Variants in SMYD3 observed in about 807,000 individuals in gnomAD.
SMYD3 encodes the protein SET and MYND domain containing 3.
SMYD3 carries 36 observed loss-of-function variants against 57.7 expected under a neutral mutation model. The ratio of observed to expected loss-of-function variants is 0.62; its 90% confidence interval spans 0.48 to 0.82. The LOEUF (loss-of-function observed/expected upper bound fraction) is 0.82, where lower values mean the gene tolerates loss of function less well. Among genes scored for constraint, SMYD3 ranks in the 40% least tolerant of loss-of-function variants. SMYD3 has a pLI of 0.00. For missense variants in SMYD3, 515 were observed against 538.8 expected, an observed-to-expected ratio of 0.96 and a Z score of 0.44; for synonymous variants, 211 against 195.0, an observed-to-expected ratio of 1.08 and a Z score of -0.68.
intron 5 of SMYD3, among the ~76,000 whole-genome samples, chr1:246,255,933 GATAGATA>G (rs1558353889): frequency 0.024 from 2,829 of 117,984 alleles, 56 homozygotes; most frequent in Middle Eastern, 0.041. Flanking sequence ...TAATAAGATA[GATAGATA>G]GATAGATAGA....
In SMYD3 at chr1:245,808,304, G is replaced by A. The variant is rs144810913; in HGVS notation, c.1077-44155C>T. On this transcript the variant is annotated intron_variant, in intron 10 of 11. Transcript: ENST00000490107. ...TATGGGCATGCATACCCCCACCTAC[G>A]TAACACACATACACAAACCTGGGCA... 1.6e-3 allele frequency among the ~76,000 whole-genome samples: 236 copies of A among 152,170 alleles called. 1 individual carries two copies. The highest frequency in any genetic ancestry group is 5.4e-3 in the African/African-American group (225 of 41,522).
chr1:246,018,465 C>A (rs1373313098), intron 5 of SMYD3, among the ~76,000 whole-genome samples: 1 of 152,174 alleles, frequency 6.6e-6, no homozygotes, highest in African/African-American at 2.4e-5. Context: ...TTGAACTGAG[C>A]TTTAGAGAAA....
intron 1 of SMYD3, among the ~76,000 whole-genome samples, chr1:246,363,274 G>A (rs1421586122): frequency 2.0e-5 from 3 of 151,382 alleles, no homozygotes. Flanking sequence ...CGCCAGGCCA[G>A]CCGCCCCGTC....
At chr1:246,242,005 G>A (rs143402038) in intron 5 of SMYD3, among the ~76,000 whole-genome samples, 23,314 of 151,750 alleles carry the variant, frequency 0.15, 2,376 homozygotes, top group East Asian at 0.34. Flanking sequence ...TCTTGCTAGC[G>A]GTCTATCAAT....
intron 5 of SMYD3, among the ~76,000 whole-genome samples, chr1:246,322,731 A>G (rs187624912): frequency 6.6e-6 from 1 of 152,304 alleles, no homozygotes; most frequent in East Asian, 1.9e-4. Flanking sequence ...TTTAAAAAAA[A>G]CAAAACTATC....
At chr1:246,176,260 C>G (rs1044026856) in intron 5 of SMYD3, among the ~76,000 whole-genome samples, 3 of 152,158 alleles carry the variant, frequency 2.0e-5, no homozygotes, top group Non-Finnish European at 2.9e-5. Flanking sequence ...TAGCCTTCCT[C>G]AACTACACCC....
At chr1:246,455,938 C>T (rs549803297) in intron 1 of SMYD3, among the ~76,000 whole-genome samples, 82 of 152,264 alleles carry the variant, frequency 5.4e-4, no homozygotes, top group African/African-American at 1.8e-3. Context: ...ACAACAGATA[C>T]GTGAATCAGG....
rs987093424 is a variant in SMYD3 at position 245,947,717 on chromosome 1, C to G, written c.532-17780G>C. Among the ~76,000 whole-genome samples the G allele has an allele frequency of 2.0e-5, 3 of 152,104 alleles. No individual in the cohort carries two copies. In the East Asian group the frequency reaches 5.8e-4, roughly 29 times the overall value. ...AATGGTAGCAAGATCATAATTATTA[C>G]CATAGTTCGATCAACTGTAAGACCC... On this transcript the variant is annotated intron_variant, in intron 5 of 11. Coordinates refer to ENST00000490107, the MANE Select transcript of SMYD3 (RefSeq NM_001167740.2).
At chr1:246,317,128 T>G (rs2065174395) in intron 5 of SMYD3, among the ~76,000 whole-genome samples, 1 of 152,162 alleles carries the variant, frequency 6.6e-6, no homozygotes, top group East Asian at 1.9e-4. Context: ...GTAAAATAAT[T>G]GCAGTTTTCT....
chr1:246,071,939 T>C (rs61370015), intron 5 of SMYD3, among the ~76,000 whole-genome samples: 10 of 140,782 alleles, frequency 7.1e-5, no homozygotes, highest in African/African-American at 2.2e-4. Flanking sequence ...CTGTGCTCAC[T>C]GTGGATGCTT....
chr1:246,041,896 C>T (rs2059882947), intron 5 of SMYD3, among the ~76,000 whole-genome samples: 1 of 152,020 alleles, frequency 6.6e-6, no homozygotes, highest in Non-Finnish European at 1.5e-5. Flanking sequence ...ATAAAAATTG[C>T]TACCTGCGTA....
chr1:245,789,916 T>G (rs1406229862), intron 10 of SMYD3, among the ~76,000 whole-genome samples: 1 of 152,260 alleles, frequency 6.6e-6, no homozygotes, highest in Non-Finnish European at 1.5e-5. Context: ...TTTGTTCATT[T>G]ATTTGTTCAT....
chr1:246,332,715 G>A (rs2065480505), intron 3 of SMYD3, among the ~76,000 whole-genome samples: 1 of 152,230 alleles, frequency 6.6e-6, no homozygotes, highest in East Asian at 1.9e-4. Context: ...GGCTGAGGCA[G>A]GACAATCGCT....
chr1:245,818,782 CAA>C (rs1401301254), intron 10 of SMYD3, among the ~76,000 whole-genome samples: 2 of 151,736 alleles, frequency 1.3e-5, no homozygotes, highest in Non-Finnish European at 2.9e-5. Context: ...CAACAAAGAT[CAA>C]AAGAGACAAA....
chr1:246,239,956 A>T (rs10924594), intron 5 of SMYD3, among the ~76,000 whole-genome samples: 31,558 of 151,900 alleles, frequency 0.21, 3,990 homozygotes, highest in East Asian at 0.58. Context: ...TTTTTTGTAA[A>T]TTTGTTTAAG....
chr1:245,955,020 T>G (rs2057784572), intron 5 of SMYD3, among the ~76,000 whole-genome samples: 1 of 152,350 alleles, frequency 6.6e-6, no homozygotes, highest in East Asian at 1.9e-4. Context: ...ATCCTGTGTT[T>G]CCCTGCACCC....
chr1:245,952,417 A>G (rs1312919905), intron 5 of SMYD3, among the ~76,000 whole-genome samples: 2 of 152,196 alleles, frequency 1.3e-5, no homozygotes, highest in East Asian at 3.8e-4. Context: ...GTAATAAAGA[A>G]AAAGAAAAAG....
intron 5 of SMYD3, among the ~76,000 whole-genome samples, chr1:246,141,881 A>G (rs1283401071): frequency 6.6e-6 from 1 of 152,234 alleles, no homozygotes; most frequent in Non-Finnish European, 1.5e-5. Flanking sequence ...TTTGAAACAA[A>G]GTTAAGTTTC....
chr1:246,161,033 G>A (rs76144253), intron 5 of SMYD3, among the ~76,000 whole-genome samples: 161 of 152,184 alleles, frequency 1.1e-3, no homozygotes, highest in African/African-American at 3.7e-3. Context: ...TCAGACAAGC[G>A]AGACGATGCC....
Sources: allele counts gnomAD v4.1 joint callset (sites outside exome capture counted in the v4.1 genomes callset), GRCh38; gene constraint gnomAD v4.1.1; transcripts MANE v1.5; gene names NCBI Gene and HGNC (gene_info 2026-07-23, HGNC 2026-07-21).